DLGAP2: variants seen among roughly 807,000 people sequenced by gnomAD.
The protein encoded by DLGAP2 is disks large-associated protein 2.
Under a neutral mutation model 100.3 loss-of-function variants are expected in DLGAP2, and 26 were observed. The observed-to-expected ratio is 0.26, with a 90% CI of 0.19 to 0.36. The LOEUF is 0.36. DLGAP2 is among the 10% of genes least tolerant of loss of function. The pLI is 1.00. For missense variants in DLGAP2, 1,858 were observed against 1,453.2 expected, an observed-to-expected ratio of 1.28 and a Z score of -4.53; for synonymous variants, 886 against 630.1, an observed-to-expected ratio of 1.41 and a Z score of -6.08.
intron 3 of DLGAP2, among the ~76,000 whole-genome samples, chr8:1,265,667 G>A (rs971899015): frequency 2.0e-4 from 30 of 152,256 alleles, no homozygotes; most frequent in African/African-American, 5.5e-4. Flanking sequence ...GTGAAACCAC[G>A]GAATAGGAGA....
chr8:1,566,953 C>T (rs775959321), intron 6 of DLGAP2, among the ~76,000 whole-genome samples: 1 of 152,202 alleles, frequency 6.6e-6, no homozygotes, highest in Non-Finnish European at 1.5e-5. Flanking sequence ...GAGACCGGGC[C>T]GCATGTCTGC....
Position 894,753 on chromosome 8 carries a change from G to A in DLGAP2, c.19-13159G>A, listed in dbSNP as rs1798108573. 2.4e-5 allele frequency among the ~76,000 whole-genome samples: 3 copies of A among 123,968 alleles called. No individual in the cohort carries two copies. The South Asian group carries it at 8.6e-4, about 35-fold the overall frequency. The allele number at this position is 123,968 out of a possible 152,430, so 81.3% of individuals were successfully genotyped here. Reference sequence around the variant, plus strand: ...GGCAGGGCAGGGTGGGGAGAGCGGAGTGGTGACTGGCAGGGGTAGTGGCTG... The same window carrying A: ...GGCAGGGCAGGGTGGGGAGAGCGGAATGGTGACTGGCAGGGGTAGTGGCTG... On this transcript the variant is annotated intron_variant, in intron 1 of 14. Transcript: ENST00000637795.
chr8:1,313,194 C>G (rs1017220851), intron 3 of DLGAP2, among the ~76,000 whole-genome samples: 5 of 152,148 alleles, frequency 3.3e-5, no homozygotes, highest in African/African-American at 4.8e-5. Context: ...GGCCAGAAAC[C>G]CAGTAGCAAA....
chr8:774,400 G>A (rs533415698), intron 1 of DLGAP2, among the ~76,000 whole-genome samples: 439 of 152,262 alleles, frequency 2.9e-3, no homozygotes, highest in Non-Finnish European at 4.5e-3. Context: ...TGCTTTTGGC[G>A]TTTTAGACAT....
At chr8:1,560,934 C>T (rs1802136732) in intron 5 of DLGAP2, among the ~76,000 whole-genome samples, 1 of 152,174 alleles carries the variant, frequency 6.6e-6, no homozygotes, top group South Asian at 2.1e-4. Context: ...TTTACATTGA[C>T]CATGTCATTA....
intron 2 of DLGAP2, among the ~76,000 whole-genome samples, chr8:1,028,649 C>T (rs551631154): frequency 4.6e-5 from 7 of 152,340 alleles, no homozygotes; most frequent in South Asian, 4.1e-4. Flanking sequence ...AGGATGCTCA[C>T]GGGGCTGGAG....
intron 3 of DLGAP2, among the ~76,000 whole-genome samples, chr8:1,491,370 G>A (rs13248530): frequency 0.017 from 664 of 39,178 alleles, 15 homozygotes; most frequent in Middle Eastern, 0.068. Context: ...CCCTGACCCC[G>A]GAGGCTTCGG....
At chr8:1,286,470 A>T (rs1799923348) in intron 3 of DLGAP2, among the ~76,000 whole-genome samples, 1 of 152,212 alleles carries the variant, frequency 6.6e-6, no homozygotes, top group African/African-American at 2.4e-5. Context: ...TCTGTGGAAG[A>T]GCTTTCCCCG....
At chr8:1,537,644 G>T (rs1166136021) in intron 4 of DLGAP2, among the ~76,000 whole-genome samples, 4 of 151,974 alleles carry the variant, frequency 2.6e-5, no homozygotes, top group African/African-American at 9.7e-5. Context: ...CATCTACTGT[G>T]GAGCCTGGAA....
At chr8:820,685 T>G (rs183706078) in intron 1 of DLGAP2, among the ~76,000 whole-genome samples, 2 of 152,320 alleles carry the variant, frequency 1.3e-5, no homozygotes, top group Admixed American at 1.3e-4. Context: ...CATTTTGGGC[T>G]CATGTGCATA....
chr8:1,514,741 G>A (rs1309169297), intron 4 of DLGAP2, among the ~76,000 whole-genome samples: 2 of 152,210 alleles, frequency 1.3e-5, no homozygotes, highest in Non-Finnish European at 2.9e-5. Context: ...GGCACACGCT[G>A]CAGGTGGAGG....
At chr8:1,454,355 GT>G (rs778104515) in intron 3 of DLGAP2, among the ~76,000 whole-genome samples, 173 of 145,452 alleles carry the variant, frequency 1.2e-3, no homozygotes, top group South Asian at 8.9e-3. Flanking sequence ...CCTCTGTAAC[GT>G]TTTTTTTTTT....
In DLGAP2 at chr8:826,647, G is replaced by C. The variant is rs1261048935; in HGVS notation, c.19-81265G>C. Among the ~76,000 whole-genome samples, 3 of 152,042 alleles carry C rather than the reference G, an allele frequency of 2.0e-5. No homozygotes were observed. The East Asian group carries it at 5.8e-4, about 29-fold the overall frequency. ...TGCCTTCTGCCTGTGGCTGCAGCCT[G>C]GTGTCTCGAGGGTCCCGCGCCCCCT... On this transcript the variant is annotated intron_variant, in intron 1 of 14. Coordinates refer to ENST00000637795, the MANE Select transcript of DLGAP2 (RefSeq NM_001346810.2).
intron 1 of DLGAP2, among the ~76,000 whole-genome samples, chr8:864,126 G>A (rs770121473): frequency 3.3e-5 from 5 of 152,122 alleles, no homozygotes; most frequent in East Asian, 1.9e-4. Flanking sequence ...AATCCCACTC[G>A]TGCAGAATCT....
intron 3 of DLGAP2, among the ~76,000 whole-genome samples, chr8:1,475,392 A>G (rs1258164795): frequency 6.6e-6 from 1 of 152,212 alleles, no homozygotes; most frequent in Non-Finnish European, 1.5e-5. Flanking sequence ...ATCATGGAGC[A>G]GCCTGATACC....
At chr8:1,369,540 G>A (rs1422093753) in intron 3 of DLGAP2, 1 of 152,200 alleles carries the variant, frequency 6.6e-6, no homozygotes, top group African/African-American at 2.4e-5. Context: ...TTGTTTCCCT[G>A]TCTACTTCAT....
At chr8:1,241,745 G>A (rs1175401824) in intron 2 of DLGAP2, among the ~76,000 whole-genome samples, 1 of 150,880 alleles carries the variant, frequency 6.6e-6, no homozygotes. Context: ...TGTAAGTGGT[G>A]AAAAAAAAAA....
At chr8:1,537,507 C>T (rs1374067348) in intron 4 of DLGAP2, among the ~76,000 whole-genome samples, 1 of 152,192 alleles carries the variant, frequency 6.6e-6, no homozygotes, top group African/African-American at 2.4e-5. Flanking sequence ...CCGTGTACCT[C>T]TCTCTGTCTG....
At chr8:894,745 A>G in intron 1 of DLGAP2, among the ~76,000 whole-genome samples, 2 of 93,532 alleles carry the variant, frequency 2.1e-5, no homozygotes, top group Non-Finnish European at 4.0e-5. Context: ...CAGGGTGGGG[A>G]GAGCGGAGTG....
Sources: allele counts gnomAD v4.1 joint callset (sites outside exome capture counted in the v4.1 genomes callset), GRCh38; gene constraint gnomAD v4.1.1; transcripts MANE v1.5; gene names NCBI Gene and HGNC (gene_info 2026-07-23, HGNC 2026-07-21).